BCAR3: variants seen among roughly 807,000 people sequenced by gnomAD.
The protein encoded by BCAR3 is breast cancer anti-estrogen resistance protein 3.
BCAR3 carries 37 observed loss-of-function variants against 80.1 expected under a neutral mutation model. The observed-to-expected ratio is 0.46, with a 90% confidence interval of 0.36 to 0.61. BCAR3 has a LOEUF of 0.61. Ranked by LOEUF, BCAR3 falls within the 20% of genes least tolerant of loss-of-function variation. The pLI, the probability that BCAR3 is intolerant of heterozygous loss-of-function variation, is 0.00. For synonymous variants in BCAR3, 389 were observed against 418.9 expected (o/e 0.93, Z 0.87); for missense variants, 978 against 1,068.2 (o/e 0.92, Z 1.18).
intron 2 of BCAR3, among the ~76,000 whole-genome samples, chr1:93,720,574 G>A (rs1202554000): frequency 1.3e-5 from 2 of 152,198 alleles, no homozygotes; most frequent in African/African-American, 4.8e-5. Context: ...ATGGAGACCC[G>A]AAGTTGGGTC....
intron 2 of BCAR3, among the ~76,000 whole-genome samples, chr1:93,809,367 A>G (rs1235080423): frequency 6.6e-6 from 1 of 152,050 alleles, no homozygotes; most frequent in African/African-American, 2.4e-5. Context: ...AAAAATGCTT[A>G]AAATTTTCTT....
intron 2 of BCAR3, chr1:93,706,186 G>A (rs1649822618): frequency 6.6e-6 from 1 of 152,214 alleles, no homozygotes; most frequent in Non-Finnish European, 1.5e-5. Flanking sequence ...GTGGGTGTGA[G>A]GCAATTACAG....
intron 2 of BCAR3, among the ~76,000 whole-genome samples, chr1:93,781,330 T>C (rs769493899): frequency 2.6e-5 from 4 of 152,220 alleles, no homozygotes; most frequent in Non-Finnish European, 5.9e-5. Context: ...ATGGGCCACA[T>C]GGCCAACAAC....
upstream of BCAR3, among the ~76,000 whole-genome samples, chr1:93,682,000 G>T (rs1193807136): frequency 1.3e-5 from 2 of 151,528 alleles, no homozygotes; most frequent in Non-Finnish European, 2.9e-5. Flanking sequence ...GGCTCTCTTC[G>T]TATCTCCCCA....
chr1:93,577,322 A>G (rs1199235491), intron 7 of BCAR3, among the ~76,000 whole-genome samples: 2 of 152,114 alleles, frequency 1.3e-5, no homozygotes, highest in Non-Finnish European at 2.9e-5. Flanking sequence ...TAATTACCCC[A>G]GGCTATCAAA....
intron 2 of BCAR3, among the ~76,000 whole-genome samples, chr1:93,837,637 C>T (rs1654816873): frequency 6.6e-6 from 1 of 152,352 alleles, no homozygotes; most frequent in African/African-American, 2.4e-5. Context: ...CCCACCCCTT[C>T]AAGATTCCTA....
intron 2 of BCAR3, among the ~76,000 whole-genome samples, chr1:93,764,377 T>C (rs547342652): frequency 6.6e-6 from 1 of 152,178 alleles, no homozygotes; most frequent in Admixed American, 6.5e-5. Context: ...CCTTCCTCCA[T>C]GTCCCAGTCT....
At chr1:93,578,354 G>T (rs994389130) in intron 7 of BCAR3, among the ~76,000 whole-genome samples, 1 of 152,194 alleles carries the variant, frequency 6.6e-6, no homozygotes, top group Non-Finnish European at 1.5e-5. Context: ...AAAGTGCCTT[G>T]AAGGCAAGAA....
chr1:93,674,643 C>G lies in BCAR3; in HGVS notation c.288G>C (p.Gln96His), dbSNP rs112584760. Residue 96 changes from glutamine (Q) to histidine (H), a missense_variant, in exon 2 of 12, where the codon CAG (glutamine) becomes CAC (histidine). Coordinates refer to ENST00000260502, the MANE Select transcript of BCAR3 (RefSeq NM_003567.4). Reference protein sequence around the residue: ...TQDGIQESPWQDRHGETFTFR... With the variant: ...TQDGIQESPWHDRHGETFTFR... Reference sequence around the variant, plus strand: ...AGGTGAAGGTTTCGCCGTGCCGGTCCTGCCATGGGCTCTCCTGGATGCCAT... The same window carrying G: ...AGGTGAAGGTTTCGCCGTGCCGGTCGTGCCATGGGCTCTCCTGGATGCCAT... 235 of 1,613,626 alleles carry G rather than the reference C, an allele frequency of 1.5e-4. No homozygotes were observed. In the African/African-American group the frequency reaches 2.3e-3, roughly 16 times the overall value.
intron 2 of BCAR3, among the ~76,000 whole-genome samples, chr1:93,772,373 A>G (rs764160715): frequency 3.3e-5 from 5 of 152,182 alleles, no homozygotes; most frequent in Non-Finnish European, 5.9e-5. Flanking sequence ...GCTTCTATCA[A>G]TGCTGCCAGT....
intron 2 of BCAR3, among the ~76,000 whole-genome samples, chr1:93,728,498 T>C (rs924362315): frequency 6.6e-6 from 1 of 152,222 alleles, no homozygotes; most frequent in Non-Finnish European, 1.5e-5. Flanking sequence ...GTTCTTGCCT[T>C]GGTGTACCAG....
chr1:93,728,151 A>G (rs1024959951), intron 2 of BCAR3, among the ~76,000 whole-genome samples: 7 of 152,242 alleles, frequency 4.6e-5, no homozygotes, highest in Admixed American at 1.3e-4. Flanking sequence ...ATAAATTTCT[A>G]TTGTTTTAAG....
intron 5 of BCAR3, among the ~76,000 whole-genome samples, chr1:93,585,514 A>C (rs1673904880): frequency 6.6e-6 from 1 of 152,162 alleles, no homozygotes. Context: ...GCCAACTAGG[A>C]GGCCTTCCCT....
intron 2 of BCAR3, chr1:93,723,222 G>A (rs1017144891): frequency 1.3e-5 from 2 of 152,378 alleles, no homozygotes; most frequent in South Asian, 4.1e-4. Context: ...GTGGTTTGCA[G>A]GGAGATTTGA....
At chr1:93,705,001 A>C (rs971208744) in intron 3 of BCAR3, among the ~76,000 whole-genome samples, 1 of 152,212 alleles carries the variant, frequency 6.6e-6, no homozygotes, top group Non-Finnish European at 1.5e-5. Flanking sequence ...AGTTTTTGCC[A>C]AGCCTTACCT....
chr1:93,668,256 T>C (rs1401556149), intron 2 of BCAR3, among the ~76,000 whole-genome samples: 1 of 152,234 alleles, frequency 6.6e-6, no homozygotes. Flanking sequence ...AATTTTTTTT[T>C]GCCCCAGAAC....
chr1:93,832,655 T>G (rs1654614250), intron 2 of BCAR3, among the ~76,000 whole-genome samples: 1 of 152,144 alleles, frequency 6.6e-6, no homozygotes, highest in South Asian at 2.1e-4. Flanking sequence ...CCACATTACC[T>G]TCTTTTCAAG....
intron 2 of BCAR3, among the ~76,000 whole-genome samples, chr1:93,643,283 G>C (rs190594890): frequency 4.6e-5 from 7 of 151,116 alleles, no homozygotes; most frequent in South Asian, 2.1e-4. Context: ...CAGCATTTTG[G>C]GGGGGCCGAG....
chr1:93,658,312 G>A (rs964883635), intron 2 of BCAR3, among the ~76,000 whole-genome samples: 1 of 152,074 alleles, frequency 6.6e-6, no homozygotes, highest in Admixed American at 6.5e-5. Context: ...GAAATAAAAG[G>A]TATCAGGACT....
Sources: gnomAD v4.1 joint callset for allele counts (sites outside exome capture counted in the v4.1 genomes callset) on GRCh38, gnomAD v4.1.1 for gene constraint, MANE v1.5 for transcripts, NCBI Gene and HGNC (gene_info 2026-07-23, HGNC 2026-07-21) for gene names.